Variants in KCNH7 observed in about 807,000 individuals in gnomAD.
The protein encoded by KCNH7 is potassium voltage-gated channel subfamily H member 7, also known as voltage-gated inwardly rectifying potassium channel KCNH7.
In KCNH7, 49 loss-of-function variants were observed where a neutral mutation model predicts 120.8. That is an observed-to-expected ratio of 0.41 (90% CI 0.32 to 0.51). KCNH7 has a LOEUF of 0.51. KCNH7 is among the 20% of genes least tolerant of loss of function. The pLI is 0.38. For missense variants in KCNH7, 1,097 were observed against 1,446.6 expected (o/e 0.76, Z 3.92); for synonymous variants, 547 against 516.1 (o/e 1.06, Z -0.81).
chr2:162,456,562 G>A (rs972538006), intron 6 of KCNH7, among the ~76,000 whole-genome samples: 4 of 151,984 alleles, frequency 2.6e-5, no homozygotes, highest in Non-Finnish European at 5.9e-5. Context: ...GAATATCCTT[G>A]TTAATTTTGT....
At chr2:162,726,832 T>A (rs191948090) in intron 2 of KCNH7, among the ~76,000 whole-genome samples, 1 of 152,202 alleles carries the variant, frequency 6.6e-6, no homozygotes, top group Non-Finnish European at 1.5e-5. Context: ...TTCCTTACTT[T>A]CTGATACGAC....
At chr2:162,664,907 A>G (rs186810297) in intron 2 of KCNH7, among the ~76,000 whole-genome samples, 5 of 152,236 alleles carry the variant, frequency 3.3e-5, no homozygotes, top group Admixed American at 6.5e-5. Context: ...ACATATCACT[A>G]TTATAGGGCT....
At chr2:162,690,999 T>G (rs1314580391) in intron 2 of KCNH7, among the ~76,000 whole-genome samples, 2 of 152,180 alleles carry the variant, frequency 1.3e-5, no homozygotes, top group African/African-American at 4.8e-5. Context: ...TTTGTCTGCT[T>G]CCTGGCCACA....
intron 2 of KCNH7, among the ~76,000 whole-genome samples, chr2:162,594,030 T>C (rs1210873825): frequency 1.3e-5 from 2 of 151,994 alleles, no homozygotes; most frequent in African/African-American, 4.8e-5. Context: ...CCATGACCTT[T>C]TGGGACCAGG....
intron 6 of KCNH7, among the ~76,000 whole-genome samples, chr2:162,498,751 C>G (rs1258601006): frequency 6.6e-6 from 1 of 152,020 alleles, no homozygotes; most frequent in Non-Finnish European, 1.5e-5. Context: ...AGGTCCTTCT[C>G]CCCAAATTAC....
At chr2:162,601,436 G>GTTTTTT (rs1694553520) in intron 2 of KCNH7, among the ~76,000 whole-genome samples, 1 of 25,686 alleles carries the variant, frequency 3.9e-5, no homozygotes, top group South Asian at 1.4e-3. Flanking sequence ...TGCTTACTTT[G>GTTTTTT]GTGTTTTTAA....
chr2:162,402,924 T>C (rs1687106626), intron 9 of KCNH7, among the ~76,000 whole-genome samples: 1 of 151,922 alleles, frequency 6.6e-6, no homozygotes, highest in Admixed American at 6.6e-5. Context: ...ATATGAGCTA[T>C]GGAATCAGAC....
intron 4 of KCNH7, 141 bp from the exon 5 acceptor site, chr2:162,512,815 T>C: frequency 1.6e-6 from 1 of 617,248 alleles, no homozygotes. Flanking sequence ...GAAATTAACA[T>C]TTTGTACTAT....
At position 162,511,669 on chromosome 2, in the gene KCNH7, G is replaced by A. The variant is rs1002214569; in HGVS notation, c.913+985C>T. ...TGACCAAACATTTTTGCTCCCTAGC[G>A]CTATTAATTCATAACCATCACCAGC... On this transcript the variant is annotated intron_variant, in intron 5 of 15. Coordinates refer to ENST00000332142, the MANE Select transcript of KCNH7 (RefSeq NM_033272.4). Among the ~76,000 whole-genome samples the A allele has an allele frequency of 6.6e-5, 10 of 151,640 alleles. No homozygotes were observed. In the South Asian group the frequency reaches 8.3e-4, roughly 13 times the overall value.
intron 2 of KCNH7, among the ~76,000 whole-genome samples, chr2:162,753,008 GAAAAGA>G (rs1688650614): frequency 6.8e-6 from 1 of 147,176 alleles, no homozygotes; most frequent in Admixed American, 6.8e-5. Context: ...GAAAAGAAAA[GAAAAGA>G]AAAGAAAAGA....
In KCNH7 at chr2:162,603,517, T is replaced by C. The variant is rs78488612; in HGVS notation, c.308-66437A>G. 8.6e-3 allele frequency among the ~76,000 whole-genome samples: 1,304 copies of C among 152,184 alleles called. 22 individuals are homozygous for C. Among genetic ancestry groups the C allele is most frequent in the African/African-American group, 0.03 (1,253 of 41,534 alleles). On this transcript the variant is annotated intron_variant, in intron 2 of 15. Coordinates refer to ENST00000332142, the MANE Select transcript of KCNH7 (RefSeq NM_033272.4). ...GGTTGTGAGAATATTATTCTTGCTT[T>C]CTTCAAGAAATATAACAGAACAGTT...
At chr2:162,395,856 C>G (rs753112296) in intron 11 of KCNH7, among the ~76,000 whole-genome samples, 1 of 151,682 alleles carries the variant, frequency 6.6e-6, no homozygotes, top group Non-Finnish European at 1.5e-5. Flanking sequence ...AATCTACCCC[C>G]TCTTACCTAA....
intron 2 of KCNH7, among the ~76,000 whole-genome samples, chr2:162,736,924 G>A (rs1687935366): frequency 6.6e-6 from 1 of 152,022 alleles, no homozygotes; most frequent in African/African-American, 2.4e-5. Flanking sequence ...TAGCTTTACT[G>A]GGGAAGTATA....
chr2:162,838,406 G>A (rs1253223053), intron 1 of KCNH7, 37 bp downstream of exon 1: 27 of 1,566,756 alleles, frequency 1.7e-5, no homozygotes, highest in Non-Finnish European at 2.4e-5. Context: ...TAACAAGGCA[G>A]AAAGCGAGGG....
chr2:162,763,068 A>T (rs916489008), intron 2 of KCNH7, among the ~76,000 whole-genome samples: 3 of 152,072 alleles, frequency 2.0e-5, no homozygotes, highest in Non-Finnish European at 4.4e-5. Context: ...CTCTCTTCTA[A>T]TTTTTGTCCA....
At chr2:162,709,749 T>A (rs1238329044) in intron 2 of KCNH7, among the ~76,000 whole-genome samples, 2 of 152,186 alleles carry the variant, frequency 1.3e-5, no homozygotes, top group African/African-American at 4.8e-5. Flanking sequence ...TTGTTAGCCA[T>A]CATTGCCTCT....
At chr2:162,837,553 G>C (rs1006007363) in intron 1 of KCNH7, among the ~76,000 whole-genome samples, 12 of 152,096 alleles carry the variant, frequency 7.9e-5, no homozygotes, top group African/African-American at 2.7e-4. Flanking sequence ...TAGTTTGTAC[G>C]CAAGGTACCA....
In KCNH7 at chr2:162,628,313, A is replaced by G. The variant is rs16847026; in HGVS notation, c.308-91233T>C. Among the ~76,000 whole-genome samples the G allele has an allele frequency of 5.3e-3, 808 of 152,256 alleles. 10 individuals carry two copies. Among genetic ancestry groups the G allele is most frequent in the African/African-American group, 0.019 (771 of 41,554 alleles). On this transcript the variant is annotated intron_variant, in intron 2 of 15. Coordinates refer to ENST00000332142, the MANE Select transcript of KCNH7 (RefSeq NM_033272.4). ...CTCCAGGAAGAAATTAGTATTAACC[A>G]GACACAAGCAAAGGTCTTCAGGCCA...
chr2:162,820,317 C>T (rs1685074122), intron 2 of KCNH7, among the ~76,000 whole-genome samples: 2 of 150,646 alleles, frequency 1.3e-5, no homozygotes, highest in South Asian at 2.1e-4. Context: ...CCTCGTGATC[C>T]GCCTGCCTCA....
Sources: gnomAD v4.1 joint callset for allele counts (sites outside exome capture counted in the v4.1 genomes callset) on GRCh38, gnomAD v4.1.1 for gene constraint, MANE v1.5 for transcripts, NCBI Gene and HGNC (gene_info 2026-07-23, HGNC 2026-07-21) for gene names.